FNDC3B: variants seen among roughly 807,000 people sequenced by gnomAD.
FNDC3B encodes fibronectin type III domain-containing protein 3B.
Under a neutral mutation model 151.5 loss-of-function variants are expected in FNDC3B, and 12 were observed. The ratio of observed to expected loss-of-function variants is 0.08; its 90% CI spans 0.05 to 0.13. The LOEUF (loss-of-function observed/expected upper bound fraction) is 0.13, where lower values mean the gene tolerates loss of function less well. FNDC3B is among the 10% of genes least tolerant of loss of function. The pLI is 1.00. For synonymous variants in FNDC3B, 528 were observed against 549.0 expected (o/e 0.96, Z 0.54); for missense variants, 1,214 against 1,505.3 (o/e 0.81, Z 3.20).
intron 25 of FNDC3B, among the ~76,000 whole-genome samples, chr3:172,389,735 G>A (rs903675243): frequency 2.6e-4 from 40 of 151,862 alleles, no homozygotes; most frequent in Middle Eastern, 3.4e-3. Flanking sequence ...GCGTAGTGGC[G>A]GGCGCCTGTT....
At chr3:172,314,645 A>G (rs1349540484) in intron 11 of FNDC3B, among the ~76,000 whole-genome samples, 1 of 152,252 alleles carries the variant, frequency 6.6e-6, no homozygotes, top group African/African-American at 2.4e-5. Context: ...TGGTTAAACA[A>G]GAAGACAGGG....
At chr3:172,194,943 C>T (rs1313222528) in intron 3 of FNDC3B, among the ~76,000 whole-genome samples, 5 of 152,074 alleles carry the variant, frequency 3.3e-5, no homozygotes, top group Admixed American at 6.5e-5. Context: ...TCCTTAGCAC[C>T]GCTGGGAGGT....
At chr3:172,340,485 C>A (rs1435214324) in intron 16 of FNDC3B, among the ~76,000 whole-genome samples, 1 of 152,082 alleles carries the variant, frequency 6.6e-6, no homozygotes, top group East Asian at 1.9e-4. Flanking sequence ...AAGGTTTCGC[C>A]AGGTTGGCCA....
chr3:172,353,322 A>T (rs1733946650), intron 22 of FNDC3B, among the ~76,000 whole-genome samples: 1 of 152,168 alleles, frequency 6.6e-6, no homozygotes, highest in South Asian at 2.1e-4. Flanking sequence ...TCTACCCCAG[A>T]GTGGACTCAA....
intron 22 of FNDC3B, among the ~76,000 whole-genome samples, chr3:172,355,947 A>C (rs755359653): frequency 1.3e-5 from 2 of 152,180 alleles, no homozygotes; most frequent in Non-Finnish European, 1.5e-5. Context: ...GCAGTTAGTG[A>C]GGTTGCCTGA....
At chr3:172,313,817 A>G (rs546010641) in intron 11 of FNDC3B, among the ~76,000 whole-genome samples, 6 of 152,326 alleles carry the variant, frequency 3.9e-5, no homozygotes, top group South Asian at 4.1e-4. Context: ...AGCAGTAGTA[A>G]CAAGTTCATT....
chr3:172,106,465 G>A (rs2108530207), intron 1 of FNDC3B, among the ~76,000 whole-genome samples: 1 of 152,250 alleles, frequency 6.6e-6, no homozygotes, highest in South Asian at 2.1e-4. Context: ...GTTCTGATGG[G>A]TATACTTTGT....
intron 6 of FNDC3B, among the ~76,000 whole-genome samples, chr3:172,255,522 GGCCTCCCAAAGT>G (rs1728288841): frequency 6.6e-6 from 1 of 152,066 alleles, no homozygotes; most frequent in South Asian, 2.1e-4. Context: ...CACCCACCTC[GGCCTCCCAAAGT>G]GCTGGGATGA....
rs537502385 is a variant in FNDC3B at position 172,167,714 on chromosome 3, C to T, written c.187+34168C>T. Among the ~76,000 whole-genome samples the T allele has an allele frequency of 8.5e-5, 13 of 152,316 alleles. No homozygotes were observed. The South Asian group carries it at 1.2e-3, about 15-fold the overall frequency. On this transcript the variant is annotated intron_variant, in intron 3 of 25. Coordinates refer to ENST00000415807, the MANE Select transcript of FNDC3B (RefSeq NM_022763.4). ...CAGCAGGAGGTGAGTGGCAGGCAAA[C>T]GAGCATTACCACCTGAGCTCTGCCT... is the stretch of plus-strand genomic sequence containing the variant.
At chr3:172,368,445 C>T (rs544891201) in intron 23 of FNDC3B, among the ~76,000 whole-genome samples, 1 of 152,192 alleles carries the variant, frequency 6.6e-6, no homozygotes, top group South Asian at 2.1e-4. Flanking sequence ...AAGAAACCCT[C>T]AGGATTTGTT....
At chr3:172,278,292 T>G (rs1471750036) in intron 6 of FNDC3B, among the ~76,000 whole-genome samples, 1 of 152,248 alleles carries the variant, frequency 6.6e-6, no homozygotes, top group Non-Finnish European at 1.5e-5. Flanking sequence ...AAAAACATTT[T>G]GTGGAAACGT....
Position 172,358,605 on chromosome 3 carries a change from C to T in FNDC3B, c.2796-4028C>T, listed in dbSNP as rs866207852. 4.6e-4 allele frequency among the ~76,000 whole-genome samples: 70 copies of T among 152,152 alleles called. 1 individual carries two copies. Among genetic ancestry groups the T allele is most frequent in the African/African-American group, 1.5e-3 (63 of 41,422 alleles). The stretch of plus-strand genomic sequence containing the variant: ...AGTGCAGCCGCAGTGAAGACCTGTC[C>T]CTGTGCCAGCACTGTTGGGATGGCG... On this transcript the variant is annotated intron_variant, in intron 22 of 25. Transcript: ENST00000415807.
chr3:172,353,189 T>G lies in FNDC3B; in HGVS notation c.2795+106T>G. ...GTGGATGTCATCTCCCAGCTGTTTC[T>G]AAGAGCCCAGATGTCCAGAGTATTG... On this transcript the variant is annotated intron_variant, in intron 22 of 25. Transcript: ENST00000415807. 4 of 1,111,880 alleles carry G rather than the reference T, an allele frequency of 3.6e-6. No homozygotes were observed. In the South Asian group the frequency reaches 6.1e-5, roughly 17 times the overall value. 68.9% of individuals were successfully genotyped at this position (1,111,880 alleles called of 1,614,324 possible).
chr3:172,057,809 T>G (rs1716988210), intron 1 of FNDC3B, among the ~76,000 whole-genome samples: 1 of 152,036 alleles, frequency 6.6e-6, no homozygotes, highest in Admixed American at 6.5e-5. Flanking sequence ...ATCCCATTAT[T>G]TCCTTGCAGT....
At position 172,220,462 on chromosome 3, in the gene FNDC3B, A is replaced by G. The variant is rs59987017; in HGVS notation, c.188-6409A>G. 7.2e-3 allele frequency among the ~76,000 whole-genome samples: 1,097 copies of G among 152,196 alleles called. 12 individuals carry two copies. Among genetic ancestry groups the G allele is most frequent in the African/African-American group, 0.025 (1,025 of 41,532 alleles). On this transcript the variant is annotated intron_variant, in intron 3 of 25. Transcript: ENST00000415807. ...GATTTGTAAATATTTTTCCCATTCT[A>G]TAGGATGTGTTTTCATTTTCCTAGT...
Position 172,076,600 on chromosome 3 carries a change from T to G in FNDC3B, c.-28-35852T>G, listed in dbSNP as rs141700543. Among the ~76,000 whole-genome samples the G allele has an allele frequency of 6.9e-3, 1,045 of 152,354 alleles. 5 individuals are homozygous for G. Among genetic ancestry groups the G allele is most frequent in the Non-Finnish European group, 0.011 (749 of 68,030 alleles). On this transcript the variant is annotated intron_variant, in intron 1 of 25. Transcript: ENST00000415807. Reference sequence around the variant, plus strand: ...GAAAGGCACCTATGTGTTGTTTCCCTTATTATTTTTAATTAATTTATTTTT... The same window carrying G: ...GAAAGGCACCTATGTGTTGTTTCCCGTATTATTTTTAATTAATTTATTTTT...
intron 3 of FNDC3B, among the ~76,000 whole-genome samples, chr3:172,196,156 AAATTT>A (rs1156730122): frequency 6.6e-6 from 1 of 152,184 alleles, no homozygotes; most frequent in Non-Finnish European, 1.5e-5. Context: ...TCAGATTTTT[AAATTT>A]AATTTATTTT....
intron 13 of FNDC3B, 122 bp downstream of exon 13, chr3:172,330,837 C>CT (rs1190413628): frequency 1.4e-6 from 1 of 697,744 alleles, no homozygotes; most frequent in Non-Finnish European, 2.4e-6. Context: ...ATTTCTGCCT[C>CT]TGTCACCACC....
chr3:172,119,317 T>A (rs1720422056), intron 2 of FNDC3B, among the ~76,000 whole-genome samples: 1 of 150,208 alleles, frequency 6.7e-6, no homozygotes, highest in Admixed American at 6.6e-5. Flanking sequence ...GACAGAAAGA[T>A]GAATAAGGCA....
Sources: gnomAD v4.1 joint callset for allele counts (sites outside exome capture counted in the v4.1 genomes callset) on GRCh38, gnomAD v4.1.1 for gene constraint, MANE v1.5 for transcripts, NCBI Gene and HGNC (gene_info 2026-07-23, HGNC 2026-07-21) for gene names.